WDR36: variants seen among roughly 807,000 people sequenced by gnomAD.
WDR36 encodes WD repeat-containing protein 36.
WDR36 carries 63 observed loss-of-function variants against 112.7 expected under a neutral mutation model. That is an observed-to-expected ratio of 0.56 (90% CI 0.46 to 0.69). The LOEUF (loss-of-function observed/expected upper bound fraction) is 0.69, where lower values mean the gene tolerates loss of function less well. Among genes scored for constraint, WDR36 ranks in the 30% least tolerant of loss-of-function variants. The pLI, the probability that WDR36 is intolerant of heterozygous loss-of-function variation, is 0.00. For synonymous variants in WDR36, 410 were observed against 362.2 expected (o/e 1.13, Z -1.50); for missense variants, 1,226 against 1,070.3 (o/e 1.15, Z -2.03).
At chr5:111,111,344 A>C in intron 15 of WDR36, 66 bp downstream of exon 15, 1 of 1,242,726 alleles carries the variant, frequency 8.0e-7, no homozygotes, top group Non-Finnish European at 1.2e-6. Context: ...GTTATCCTTT[A>C]ATAGCCTTAA....
chr5:111,095,672 C>G (rs796503346), intron 2 of WDR36, among the ~76,000 whole-genome samples: 6 of 152,292 alleles, frequency 3.9e-5, no homozygotes, highest in African/African-American at 1.2e-4. Flanking sequence ...TAGGAACATT[C>G]ACCTGGTTAT....
rs757499216 is a variant in WDR36 at position 111,123,862 on chromosome 5, C to T, written c.2206C>T (p.Pro736Ser). 4 of 1,613,868 alleles carry T rather than the reference C, an allele frequency of 2.5e-6. No homozygotes were observed. Among genetic ancestry groups the T allele is most frequent in the Non-Finnish European group, 3.4e-6 (4 of 1,179,910 alleles). ...KVPKSAPFFIPTIPGLVPRYA... is the reference protein window; with the variant it reads ...KVPKSAPFFISTIPGLVPRYA... ...ACCCAAATCAGCACCATTTTTCATT[C>T]CAACAATTCCTGGCCTTGTACCCAG... is the stretch of plus-strand genomic sequence containing the variant. Residue 736 changes from proline (P) to serine (S), a missense_variant, in exon 20 of 23, where the codon CCA becomes TCA. Coordinates refer to ENST00000513710, the MANE Select transcript of WDR36 (RefSeq NM_139281.3).
rs201180028 is a variant in WDR36, at chr5:111,113,052, ATTT to A, written c.1717-12_1717-10del. 3.1e-3 allele frequency: 1,466 copies of A among 471,992 alleles called. 6 individuals carry two copies. Among genetic ancestry groups the A allele is most frequent in the South Asian group, 5.1e-3 (103 of 20,018 alleles). The allele number at this position is 471,992 out of a possible 1,614,324, so 29.2% of individuals were successfully genotyped here. A position where few individuals can be genotyped will look rare whatever the true frequency, so the allele number is the denominator to read the frequency against. ...ATATAAATAATATATATATATATATATTTTTTTTTTTTAATTTAAAGGCTTTTA... is the reference window on the plus strand; with the variant it reads ...ATATAAATAATATATATATATATATATTTTTTTTTAATTTAAAGGCTTTTA... On this transcript the variant is annotated intron_variant, in intron 15 of 22. Coordinates refer to ENST00000513710, the MANE Select transcript of WDR36 (RefSeq NM_139281.3).
Position 111,121,075 on chromosome 5 carries a change from A to G in WDR36, c.2082A>G (p.Gln694=), listed in dbSNP as rs781154442. ...ATTCGCCAGAACAGTTGAATGAGCA[A>G]TTGGTGACTCTTTCACTTCTTCCTG... The part of the protein sequence containing the change: ...EYDSPEQLNE[Q]LVTLSLLPES... The change falls in exon 19 of 23, where the codon CAA becomes CAG. Residue 694 remains glutamine, a synonymous_variant. Transcript: ENST00000513710. 6 of 1,613,650 alleles carry G rather than the reference A, an allele frequency of 3.7e-6. No homozygotes were observed. Among genetic ancestry groups the G allele is most frequent in the East Asian group, 2.2e-5 (1 of 44,800 alleles).
chr5:111,113,480 GC>G, intron 16 of WDR36, among the ~76,000 whole-genome samples: 2 of 152,118 alleles, frequency 1.3e-5, no homozygotes, highest in Middle Eastern at 3.4e-3. Flanking sequence ...CTTAAGGATG[GC>G]AAACTTTTGA....
chr5:111,111,130 G>T (rs572012602), intron 14 of WDR36, 40 bp from the exon 15 acceptor site: 5 of 1,596,844 alleles, frequency 3.1e-6, no homozygotes, highest in Non-Finnish European at 8.6e-7. Context: ...TTAGTTCAAG[G>T]GTTTTTTGTT....
intron 2 of WDR36, among the ~76,000 whole-genome samples, chr5:111,095,871 A>G (rs987184927): frequency 7.9e-5 from 12 of 152,246 alleles, no homozygotes; most frequent in African/African-American, 2.9e-4. Context: ...TAAACTATCT[A>G]ATAGAATAAA....
At chr5:111,119,174 G>C in intron 17 of WDR36, 54 bp downstream of exon 17, 58 of 1,407,734 alleles carry the variant, frequency 4.1e-5, no homozygotes, top group Non-Finnish European at 5.8e-5. Flanking sequence ...TATTGTCAGA[G>C]AGTTAGAGTT....
chr5:111,107,278 T>A lies in WDR36; in HGVS notation c.1181-16T>A, dbSNP rs1753238443. 6.2e-7 allele frequency: 1 copy of A among 1,606,968 alleles called. No homozygotes were observed. Among genetic ancestry groups the A allele is most frequent in the African/African-American group, 1.3e-5 (1 of 74,596 alleles). ...AATGAAAAGTAATTTGATTTATGAT[T>A]TTCATTACGTTTTAGAGGAAGCTCG... On this transcript the variant is annotated splice_polypyrimidine_tract_variant and intron_variant, in intron 11 of 22. Transcript: ENST00000513710.
rs1450776730 is a variant in WDR36 at position 111,125,603 on chromosome 5, T to C, written c.2351-5T>C. On this transcript the variant is annotated splice_region_variant and splice_polypyrimidine_tract_variant and intron_variant, in intron 21 of 22. Transcript: ENST00000513710. ...AAGTCATAACTGGATTAAAATTTAA[T>C]GCAGATGACACTGCTCTCAACCTTC... 8.1e-6 allele frequency: 13 copies of C among 1,612,400 alleles called. No individual in the cohort carries two copies. Among genetic ancestry groups the C allele is most frequent in the Non-Finnish European group, 1.0e-5 (12 of 1,179,168 alleles).
intron 1 of WDR36, 81 bp from the exon 2 acceptor site, chr5:111,094,839 G>C (rs1179217653): frequency 1.7e-6 from 2 of 1,149,908 alleles, no homozygotes; most frequent in Non-Finnish European, 2.6e-6. Context: ...TACGTATGAG[G>C]TTATATCTTA....
intron 2 of WDR36, 64 bp downstream of exon 2, chr5:111,095,011 G>A (rs1426284484): frequency 6.8e-7 from 1 of 1,461,558 alleles, no homozygotes; most frequent in East Asian, 2.4e-5. Context: ...TGACATAAAT[G>A]TGAGACTTAC....
chr5:111,104,316 A>G lies in WDR36; in HGVS notation c.870A>G (p.Pro290=). The change falls in exon 8 of 23, where the codon CCA becomes CCG. Residue 290 remains proline (P), a synonymous_variant. Transcript: ENST00000513710. ...IAGLTFLHRE[P]LLVTNGADNA... ...GACTGACATTTCTCCATAGAGAGCC[A>G]CTTCTTGTCACAAATGGCGCTGACA... 2 of 1,612,072 alleles carry G rather than the reference A, an allele frequency of 1.2e-6. No homozygotes were observed. The highest frequency in any genetic ancestry group is 1.7e-6 in the Non-Finnish European group (2 of 1,178,520).
intron 4 of WDR36, among the ~76,000 whole-genome samples, chr5:111,099,905 G>GA (rs1160976859): frequency 2.0e-5 from 3 of 152,014 alleles, no homozygotes; most frequent in Non-Finnish European, 4.4e-5. Flanking sequence ...CTGGAAAATA[G>GA]AGTGGAACAT....
At chr5:111,121,370 A>G (rs1297817255) in intron 19 of WDR36, among the ~76,000 whole-genome samples, 2 of 152,172 alleles carry the variant, frequency 1.3e-5, no homozygotes, top group African/African-American at 2.4e-5. Context: ...GGATGTGGCA[A>G]AAGTTGAGCC....
intron 12 of WDR36, among the ~76,000 whole-genome samples, chr5:111,108,956 A>C (rs1442321966): frequency 6.6e-6 from 1 of 151,384 alleles, no homozygotes; most frequent in African/African-American, 2.4e-5. Flanking sequence ...ACCAATAAGT[A>C]ATAAGCAAAA....
At chr5:111,111,492 T>G (rs1561706529) in intron 15 of WDR36, 1 of 484,966 alleles carries the variant, frequency 2.1e-6, no homozygotes, top group Non-Finnish European at 3.7e-6. Flanking sequence ...TTAGAACTCA[T>G]CTTTTTTTTC....
At chr5:111,107,826 T>G (rs77130699) in intron 12 of WDR36, among the ~76,000 whole-genome samples, 4,043 of 151,520 alleles carry the variant, frequency 0.027, 204 homozygotes, top group African/African-American at 0.093. Flanking sequence ...GACTCTGAAT[T>G]CTCTTCCATT....
In WDR36 at chr5:111,097,145, G is replaced by A; in HGVS notation, c.257G>A (p.Gly86Glu). ...ADGRLVFAAY[G>E]NVFSAFARNK... Reference sequence around the variant, plus strand: ...GGCAGATTAGTCTTTGCTGCTTATGGAAATGTTTTCTCTGCATTTGCCCGT... The same window carrying A: ...GGCAGATTAGTCTTTGCTGCTTATGAAAATGTTTTCTCTGCATTTGCCCGT... The change falls in exon 3 of 23, where the codon GGA (glycine) becomes GAA (glutamate). Residue 86 changes from glycine (G) to glutamate (E), a missense_variant. Transcript: ENST00000513710. 2 of 1,613,680 alleles carry A rather than the reference G, an allele frequency of 1.2e-6. No individual in the cohort carries two copies. Among genetic ancestry groups the A allele is most frequent in the Non-Finnish European group, 8.5e-7 (1 of 1,179,772 alleles).
Sources: allele counts gnomAD v4.1 joint callset (sites outside exome capture counted in the v4.1 genomes callset), GRCh38; gene constraint gnomAD v4.1.1; transcripts MANE v1.5; gene names NCBI Gene and HGNC (gene_info 2026-07-23, HGNC 2026-07-21).